The following TBC1D13 variants were observed in gnomAD, a reference collection of about 807,000 sequenced individuals.
TBC1D13 encodes the protein TBC1 domain family member 13.
Under a neutral mutation model 53.6 loss-of-function variants are expected in TBC1D13, and 40 were observed. The observed-to-expected ratio is 0.75, with a 90% confidence interval of 0.58 to 0.97. The LOEUF is 0.97. Among genes scored for constraint, TBC1D13 ranks in the 50% least tolerant of loss-of-function variants. The pLI is 0.00. For missense variants in TBC1D13, 377 were observed against 499.4 expected, an observed-to-expected ratio of 0.75 and a Z score of 2.34; for synonymous variants, 182 against 197.7, an observed-to-expected ratio of 0.92 and a Z score of 0.67.
chr9:128,807,219 T>TG (rs1185103614), intron 11 of TBC1D13, among the ~76,000 whole-genome samples: 1 of 151,670 alleles, frequency 6.6e-6, no homozygotes, highest in Non-Finnish European at 1.5e-5. Flanking sequence ...CCCGAGTAGC[T>TG]GGGATTACAG....
At chr9:128,807,722 C>A in intron 11 of TBC1D13, 92 bp from the exon 12 acceptor site, 2 of 1,362,326 alleles carry the variant, frequency 1.5e-6, no homozygotes, top group Non-Finnish European at 2.1e-6. Flanking sequence ...GGCCCAGGAT[C>A]CAGCATGGCA....
In TBC1D13 at chr9:128,787,386, C is replaced by T; in HGVS notation, c.23+10C>T. ...GTCTGCACAAGAGCCGGTAAGGGGCCATGGGGCCTGACCCGGCTGGGCCAC... is the reference window on the plus strand; with the variant it reads ...GTCTGCACAAGAGCCGGTAAGGGGCTATGGGGCCTGACCCGGCTGGGCCAC... On this transcript the variant is annotated intron_variant, in intron 1 of 11. Transcript: ENST00000372648. The T allele has an allele frequency of 1.0e-5, 13 of 1,259,512 alleles. No homozygotes were observed. The highest frequency in any genetic ancestry group is 1.3e-5 in the Non-Finnish European group (13 of 994,336). The allele number at this position is 1,259,512 out of a possible 1,614,324, so 78.0% of individuals were successfully genotyped here.
intron 5 of TBC1D13, 74 bp from the exon 6 acceptor site, chr9:128,792,418 C>G: frequency 7.3e-7 from 1 of 1,371,814 alleles, no homozygotes; most frequent in Non-Finnish European, 1.0e-6. Context: ...GGCCACTGCT[C>G]AGGTTTCCGG....
intron 6 of TBC1D13, among the ~76,000 whole-genome samples, 188 bp downstream of exon 6, chr9:128,792,762 G>T (rs1564423214): frequency 6.6e-6 from 1 of 152,178 alleles, no homozygotes; most frequent in Non-Finnish European, 1.5e-5. Flanking sequence ...GGGAGATTCT[G>T]TGCTTGCATG....
At chr9:128,806,155 G>C in intron 10 of TBC1D13, 99 bp from the exon 11 acceptor site, 1 of 1,600,098 alleles carries the variant, frequency 6.2e-7, no homozygotes, top group Non-Finnish European at 8.5e-7. Context: ...CCTTGGGAGG[G>C]CGACAAACCA....
In TBC1D13 at chr9:128,791,420, C is replaced by T. The variant is rs758852264; in HGVS notation, c.179C>T (p.Thr60Ile). 1.3e-5 allele frequency: 21 copies of T among 1,614,174 alleles called. No homozygotes were observed. The highest frequency in any genetic ancestry group is 1.7e-5 in the Admixed American group (1 of 60,014). Residue 60 changes from threonine to isoleucine, a missense_variant, in exon 4 of 12, where the codon ACC (threonine) becomes ATC (isoleucine). Physicochemically the swap from Thr to Ile is moderately conservative, Grantham distance 89 (BLOSUM62 -1). Transcript: ENST00000372648. ...CTTCCCTTGGAGAGAGCCTCATGGACCTCCATCCTGGCCAAGCAGAGGTGA... is the reference window on the plus strand; with the variant it reads ...CTTCCCTTGGAGAGAGCCTCATGGATCTCCATCCTGGCCAAGCAGAGGTGA... ...NYLPLERASW[T>I]SILAKQRELY...
chr9:128,793,375 G>A (rs941222195), intron 6 of TBC1D13, among the ~76,000 whole-genome samples: 2 of 152,192 alleles, frequency 1.3e-5, no homozygotes, highest in African/African-American at 2.4e-5. Context: ...CGGCCCTGTC[G>A]GGCTGGGGAG....
Position 128,787,313 on chromosome 9 carries a change from G to C in TBC1D13, c.-41G>C, listed in dbSNP as rs538667149. 76 of 1,255,718 alleles carry C rather than the reference G, an allele frequency of 6.1e-5. 2 individuals carry two copies. In the Admixed American group the frequency reaches 3.1e-3, roughly 52 times the overall value. The allele number at this position is 1,255,718 out of a possible 1,614,324, so 77.8% of individuals were successfully genotyped here. ...CGGCGGCAGCGCAGGCGGCAGAGGCGCAGGCGGCGGAGGCGGCTGGGGGGT... is the reference window on the plus strand; with the variant it reads ...CGGCGGCAGCGCAGGCGGCAGAGGCCCAGGCGGCGGAGGCGGCTGGGGGGT... On this transcript the variant is annotated 5_prime_UTR_variant, in exon 1 of 12. Coordinates refer to ENST00000372648, the MANE Select transcript of TBC1D13 (RefSeq NM_018201.5).
At chr9:128,803,536 C>T in intron 8 of TBC1D13, 76 bp downstream of exon 8, 1 of 1,372,492 alleles carries the variant, frequency 7.3e-7, no homozygotes, top group African/African-American at 1.4e-5. Flanking sequence ...CCCTCTCGGG[C>T]CTCTGTTCTC....
chr9:128,800,717 T>C (rs988494009), intron 7 of TBC1D13, among the ~76,000 whole-genome samples: 1 of 152,110 alleles, frequency 6.6e-6, no homozygotes, highest in Non-Finnish European at 1.5e-5. Flanking sequence ...GAGAGTACAC[T>C]GGATAACTAT....
chr9:128,804,732 T>TG lies in TBC1D13; in HGVS notation c.918+613_918+614insG, dbSNP rs765819199. Reference sequence around the variant, plus strand: ...CCCTTTTTTTTCTGTTTTTTTTTTTTTTTTTTTTTTTTTGAGAAGGACTCT... The same window carrying TG: ...CCCTTTTTTTTCTGTTTTTTTTTTTTGTTTTTTTTTTTTTGAGAAGGACTCT... On this transcript the variant is annotated intron_variant, in intron 9 of 11. Coordinates refer to ENST00000372648, the MANE Select transcript of TBC1D13 (RefSeq NM_018201.5). Among the ~76,000 whole-genome samples the TG allele has an allele frequency of 8.8e-3, 946 of 107,058 alleles. 9 individuals are homozygous for TG. Among genetic ancestry groups the TG allele is most frequent in the Non-Finnish European group, 0.011 (621 of 55,090 alleles). The allele number at this position is 107,058 out of a possible 152,430, so 70.2% of individuals were successfully genotyped here.
chr9:128,794,722 G>C (rs779245168), intron 6 of TBC1D13, among the ~76,000 whole-genome samples: 1 of 151,364 alleles, frequency 6.6e-6, no homozygotes, highest in African/African-American at 2.4e-5. Context: ...TGATCCACCC[G>C]CTTCAGCCTC....
intron 7 of TBC1D13, among the ~76,000 whole-genome samples, chr9:128,801,611 G>GGAGGTTGCAGTGAGCT (rs1369849647): frequency 1.3e-5 from 2 of 150,246 alleles, no homozygotes; most frequent in African/African-American, 4.9e-5. Context: ...CCTGGGAGGT[G>GGAGGTTGCAGTGAGCT]GAGGTTGCAG....
chr9:128,788,376 A>C lies in TBC1D13; in HGVS notation c.66A>C (p.Ala22=), dbSNP rs35557291. The change falls in exon 2 of 12, where the codon GCA becomes GCC. Residue 22 remains alanine (A), a synonymous_variant. Coordinates refer to ENST00000372648, the MANE Select transcript of TBC1D13 (RefSeq NM_018201.5). ...FQDVLKEPSI[A]LEKLRELSFS... Reference sequence around the variant, plus strand: ...ATGTCCTGAAGGAGCCCTCAATTGCATTGGAAAAGCTGCGGGAACTCAGCT... The same window carrying C: ...ATGTCCTGAAGGAGCCCTCAATTGCCTTGGAAAAGCTGCGGGAACTCAGCT... 5.0e-6 allele frequency: 8 copies of C among 1,613,960 alleles called. No homozygotes were observed. Among genetic ancestry groups the C allele is most frequent in the Non-Finnish European group, 5.9e-6 (7 of 1,180,012 alleles).
At chr9:128,802,736 CA>C (rs1279727570) in intron 7 of TBC1D13, among the ~76,000 whole-genome samples, 17 of 123,366 alleles carry the variant, frequency 1.4e-4, no homozygotes, top group African/African-American at 5.2e-4. Context: ...TCACATTGTC[CA>C]TTTTTTTTTT....
intron 2 of TBC1D13, 147 bp from the exon 3 acceptor site, chr9:128,790,588 A>G: frequency 4.2e-6 from 3 of 717,248 alleles, no homozygotes; most frequent in Non-Finnish European, 6.6e-6. Flanking sequence ...AAAAGAAACC[A>G]TCCAATCTAG....
intron 7 of TBC1D13, among the ~76,000 whole-genome samples, chr9:128,800,981 G>T (rs141448354): frequency 0.056 from 8,478 of 152,066 alleles, 266 homozygotes; most frequent in East Asian, 0.1. Context: ...GACCAACATG[G>T]TGGAACCCCC....
intron 11 of TBC1D13, 79 bp downstream of exon 11, chr9:128,806,390 G>T: frequency 1.3e-6 from 2 of 1,545,556 alleles, no homozygotes; most frequent in South Asian, 2.2e-5. Context: ...CAGCTGCTGC[G>T]ACAGGCTGGG....
At chr9:128,792,627 C>G in intron 6 of TBC1D13, 53 bp downstream of exon 6, 2 of 1,514,468 alleles carry the variant, frequency 1.3e-6, no homozygotes, top group Admixed American at 3.5e-5. Context: ...CTGGGGCTCT[C>G]TGCAGCTCTG....
Sources: allele counts gnomAD v4.1 joint callset (sites outside exome capture counted in the v4.1 genomes callset), GRCh38; gene constraint gnomAD v4.1.1; transcripts MANE v1.5; gene names NCBI Gene and HGNC (gene_info 2026-07-23, HGNC 2026-07-21).